The following KLHL7 variants were observed in gnomAD, a reference collection of about 807,000 sequenced individuals.
KLHL7 encodes kelch like family member 7, also known as kelch-like protein 7.
Under a neutral mutation model 67.4 loss-of-function variants are expected in KLHL7, and 44 were observed. That is an observed-to-expected ratio of 0.65 (90% confidence interval 0.51 to 0.84). The LOEUF is 0.84. KLHL7 is among the 40% of genes least tolerant of loss of function. The pLI is 0.00. For missense variants in KLHL7, 362 were observed against 718.1 expected (o/e 0.50, Z 5.67); for synonymous variants, 252 against 243.3 (o/e 1.04, Z -0.33).
At chr7:23,111,539 G>C (rs1209831262) in intron 1 of KLHL7, among the ~76,000 whole-genome samples, 1 of 152,066 alleles carries the variant, frequency 6.6e-6, no homozygotes, top group African/African-American at 2.4e-5. Context: ...AAGATGACTT[G>C]GCCTGGCACA....
At chr7:23,162,770 A>G (rs1011416672) in intron 7 of KLHL7, among the ~76,000 whole-genome samples, 17 of 152,190 alleles carry the variant, frequency 1.1e-4, no homozygotes, top group Non-Finnish European at 2.9e-5. Context: ...GCGCTTAGAA[A>G]CTAAGATATA....
chr7:23,110,954 C>T (rs1782844806), intron 1 of KLHL7, among the ~76,000 whole-genome samples: 1 of 152,054 alleles, frequency 6.6e-6, no homozygotes, highest in Admixed American at 6.6e-5. Context: ...TTATTGACAA[C>T]CCACTGTATG....
chr7:23,130,745 A>G (rs1346117965), intron 4 of KLHL7, among the ~76,000 whole-genome samples: 2 of 152,194 alleles, frequency 1.3e-5, no homozygotes, highest in South Asian at 2.1e-4. Context: ...TGATCCAAAC[A>G]TATGATCTGC....
At chr7:23,125,197 T>A in intron 4 of KLHL7, 25 bp downstream of exon 4, 1 of 1,609,934 alleles carries the variant, frequency 6.2e-7, no homozygotes, top group Non-Finnish European at 8.5e-7. Flanking sequence ...ATTCCTGTTG[T>A]GTGTTTATTT....
At position 23,117,950 on chromosome 7, in the gene KLHL7, C is replaced by T. The variant is rs769435747; in HGVS notation, c.121-5827C>T. The T allele has an allele frequency of 6.2e-6, 10 of 1,613,942 alleles. No individual in the cohort carries two copies. In the African/African-American group the frequency reaches 1.2e-4, roughly 19 times the overall value. ...TGATTGCAGAACCTTCTTGACAAGC[C>T]ACATAAATCTAAAGGTTAGTCATTC... On this transcript the variant is annotated intron_variant, in intron 1 of 10. Coordinates refer to ENST00000339077, the MANE Select transcript of KLHL7 (RefSeq NM_001031710.3).
intron 4 of KLHL7, among the ~76,000 whole-genome samples, chr7:23,134,477 T>C (rs1783907278): frequency 6.6e-6 from 1 of 152,132 alleles, no homozygotes; most frequent in South Asian, 2.1e-4. Context: ...TCAAATGAGT[T>C]TGGAAGTATT....
intron 7 of KLHL7, among the ~76,000 whole-genome samples, chr7:23,157,364 G>A (rs1784737499): frequency 1.3e-5 from 2 of 152,212 alleles, no homozygotes; most frequent in African/African-American, 4.8e-5. Flanking sequence ...AGCTGACATT[G>A]CTGAGATGCA....
In KLHL7 at chr7:23,105,969, A is replaced by G. The variant is rs1196339936; in HGVS notation, c.-58A>G. 1.9e-6 allele frequency: 3 copies of G among 1,585,560 alleles called. No homozygotes were observed. Among genetic ancestry groups the G allele is most frequent in the Non-Finnish European group, 2.6e-6 (3 of 1,169,620 alleles). On this transcript the variant is annotated 5_prime_UTR_variant, in exon 1 of 11. Transcript: ENST00000339077. ...TCGATAGAATCCCCAGTGTGCCCAG[A>G]GAGTGCGACCCCTCGCCCGGCCCGG... is the stretch of plus-strand genomic sequence containing the variant.
intron 9 of KLHL7, among the ~76,000 whole-genome samples, chr7:23,169,048 G>A (rs1466973425): frequency 6.6e-6 from 1 of 152,090 alleles, no homozygotes; most frequent in Non-Finnish European, 1.5e-5. Flanking sequence ...ATCACTTGAG[G>A]TCAGGAGTAT....
intron 6 of KLHL7, among the ~76,000 whole-genome samples, chr7:23,151,447 G>A (rs1784533816): frequency 6.6e-6 from 1 of 152,190 alleles, no homozygotes; most frequent in Non-Finnish European, 1.5e-5. Flanking sequence ...AGTCATCTAA[G>A]ACAGTGCTTC....
At chr7:23,165,518 T>C (rs1317502537) in intron 7 of KLHL7, among the ~76,000 whole-genome samples, 180 bp from the exon 8 acceptor site, 1 of 152,200 alleles carries the variant, frequency 6.6e-6, no homozygotes, top group East Asian at 1.9e-4. Flanking sequence ...CCGCCCCATC[T>C]AATCAACATT....
chr7:23,159,447 G>A (rs183573500), intron 7 of KLHL7, among the ~76,000 whole-genome samples: 2 of 152,104 alleles, frequency 1.3e-5, no homozygotes, highest in African/African-American at 4.8e-5. Context: ...TGGGATAAAA[G>A]TACCTGAACC....
rs565197453 is a variant in KLHL7, at chr7:23,119,379, A to G, written c.121-4398A>G. Among the ~76,000 whole-genome samples, 4 of 151,994 alleles carry G rather than the reference A, an allele frequency of 2.6e-5. No individual in the cohort carries two copies. The South Asian group carries it at 6.2e-4, about 24-fold the overall frequency. The stretch of plus-strand genomic sequence containing the variant: ...GCCACCACGTCCAGCTAATTTTTGT[A>G]TTTTTACTAGAGACAGGGTTTCGCC... On this transcript the variant is annotated intron_variant, in intron 1 of 10. Coordinates refer to ENST00000339077, the MANE Select transcript of KLHL7 (RefSeq NM_001031710.3).
At position 23,177,314 on chromosome 7, in the gene KLHL7, C is replaced by T. The variant is rs546376314; in HGVS notation, c.*3016C>T. The T allele has an allele frequency of 6.6e-6, 1 of 152,238 alleles. No individual in the cohort carries two copies. Among genetic ancestry groups the T allele is most frequent in the South Asian group, 2.1e-4 (1 of 4,824 alleles). 9.4% of individuals were successfully genotyped at this position (152,238 alleles called of 1,614,324 possible). On this transcript the variant is annotated 3_prime_UTR_variant, in exon 11 of 11. Transcript: ENST00000339077. ...ATATAGCTATATAATTTGACAATCT[C>T]CTATGTAGAATATACAGTACCTGTC...
At chr7:23,170,075 G>A (rs1035851296) in intron 9 of KLHL7, among the ~76,000 whole-genome samples, 22 of 152,108 alleles carry the variant, frequency 1.4e-4, no homozygotes, top group African/African-American at 5.1e-4. Flanking sequence ...TTAGCCGGGC[G>A]TGGTGGCGCG....
chr7:23,121,113 T>C (rs1214240053), intron 1 of KLHL7, among the ~76,000 whole-genome samples: 1 of 152,228 alleles, frequency 6.6e-6, no homozygotes, highest in Non-Finnish European at 1.5e-5. Flanking sequence ...CTAGCTTATT[T>C]CAACTAACAT....
chr7:23,148,090 A>T (rs781470885), intron 6 of KLHL7, among the ~76,000 whole-genome samples: 4 of 152,216 alleles, frequency 2.6e-5, no homozygotes, highest in Non-Finnish European at 5.9e-5. Flanking sequence ...TAGACTTATC[A>T]CATAGCTACT....
At chr7:23,146,632 C>T (rs1395656232) in intron 6 of KLHL7, among the ~76,000 whole-genome samples, 1 of 149,100 alleles carries the variant, frequency 6.7e-6, no homozygotes, top group Non-Finnish European at 1.5e-5. Flanking sequence ...GTGCATTTAT[C>T]ACTTATAGAG....
rs370163847 is a variant in KLHL7 at position 23,124,244 on chromosome 7, C to T, written c.223+365C>T. ...AAAAGCCCAGGGTTTTCTTTTTAAC[C>T]TTAGGTGGAAAGACAAAGAAGCAGA... On this transcript the variant is annotated intron_variant, in intron 2 of 10. Coordinates refer to ENST00000339077, the MANE Select transcript of KLHL7 (RefSeq NM_001031710.3). Among the ~76,000 whole-genome samples, 26 of 132,082 alleles carry T rather than the reference C, an allele frequency of 2.0e-4. 1 individual carries two copies. Among genetic ancestry groups the T allele is most frequent in the African/African-American group, 7.4e-4 (26 of 35,104 alleles). The allele number at this position is 132,082 out of a possible 152,430, so 86.7% of individuals were successfully genotyped here.
Sources: gnomAD v4.1 joint callset for allele counts (sites outside exome capture counted in the v4.1 genomes callset) on GRCh38, gnomAD v4.1.1 for gene constraint, MANE v1.5 for transcripts, NCBI Gene and HGNC (gene_info 2026-07-23, HGNC 2026-07-21) for gene names.